The following BEND7 variants were observed in gnomAD, a reference collection of about 807,000 sequenced individuals.
BEND7 encodes the protein BEN domain-containing protein 7.
BEND7 carries 28 observed loss-of-function variants against 50.9 expected under a neutral mutation model. The observed-to-expected ratio is 0.55, with a 90% CI of 0.41 to 0.75. The LOEUF is 0.75. Among genes scored for constraint, BEND7 ranks in the 30% least tolerant of loss-of-function variants. The probability of loss-of-function intolerance (pLI) is 0.00; values close to 1 mark genes in which losing one functional copy is unlikely to be tolerated. For missense variants in BEND7, 477 were observed against 491.3 expected (o/e 0.97, Z 0.28); for synonymous variants, 170 against 183.9 (o/e 0.92, Z 0.61).
chr10:13,448,660 T>C (rs1836976303), intron 7 of BEND7, among the ~76,000 whole-genome samples: 1 of 151,954 alleles, frequency 6.6e-6, no homozygotes, highest in Admixed American at 6.6e-5. Flanking sequence ...GAGAAATCAC[T>C]GAGAAGGGAT....
intron 6 of BEND7, among the ~76,000 whole-genome samples, chr10:13,454,483 G>T (rs1469289939): frequency 6.6e-6 from 1 of 151,976 alleles, no homozygotes; most frequent in Non-Finnish European, 1.5e-5. Context: ...ATCCGGGAGT[G>T]GTGGTGCAAG....
At chr10:13,479,950 G>A (rs554263431) in intron 6 of BEND7, among the ~76,000 whole-genome samples, 2 of 152,302 alleles carry the variant, frequency 1.3e-5, no homozygotes, top group South Asian at 4.1e-4. Flanking sequence ...AGATAATGGG[G>A]AACAGAAGGG....
intron 2 of BEND7, among the ~76,000 whole-genome samples, chr10:13,505,458 T>A (rs1241822437): frequency 6.6e-6 from 1 of 152,132 alleles, no homozygotes; most frequent in Non-Finnish European, 1.5e-5. Context: ...TGGCCATGGG[T>A]TCCTTTCTCT....
At chr10:13,519,610 G>A (rs900476209) in intron 2 of BEND7, among the ~76,000 whole-genome samples, 32 of 152,208 alleles carry the variant, frequency 2.1e-4, no homozygotes, top group African/African-American at 7.2e-4. Context: ...TTTCGCATGT[G>A]CGTCAGGAGG....
intron 6 of BEND7, among the ~76,000 whole-genome samples, chr10:13,455,921 C>T (rs1049527227): frequency 9.9e-5 from 15 of 152,262 alleles, no homozygotes; most frequent in African/African-American, 3.6e-4. Flanking sequence ...ACGCCACAGA[C>T]AGGCTACGTG....
chr10:13,523,621 C>T (rs866961278), intron 2 of BEND7, among the ~76,000 whole-genome samples: 3 of 152,172 alleles, frequency 2.0e-5, no homozygotes, highest in African/African-American at 7.2e-5. Context: ...ATGTCATAAG[C>T]TTCCCATATA....
chr10:13,490,118 T>C (rs537621430), intron 5 of BEND7, among the ~76,000 whole-genome samples: 1 of 152,182 alleles, frequency 6.6e-6, no homozygotes, highest in South Asian at 2.1e-4. Context: ...CAGCCCCTTG[T>C]GGGCCCTTAT....
intron 2 of BEND7, among the ~76,000 whole-genome samples, chr10:13,524,337 G>T (rs2079284741): frequency 6.6e-6 from 1 of 152,164 alleles, no homozygotes; most frequent in Admixed American, 6.5e-5. Flanking sequence ...GTGGTACTTT[G>T]ATAATACAAA....
chr10:13,520,108 C>T (rs899123983), intron 2 of BEND7, among the ~76,000 whole-genome samples: 3 of 152,180 alleles, frequency 2.0e-5, no homozygotes, highest in African/African-American at 7.2e-5. Context: ...TGTCCAAATT[C>T]CAGATCCAGG....
At chr10:13,474,752 T>TA (rs1323708204) in intron 6 of BEND7, among the ~76,000 whole-genome samples, 8 of 152,222 alleles carry the variant, frequency 5.3e-5, no homozygotes, top group African/African-American at 1.9e-4. Flanking sequence ...TCATCGCTGT[T>TA]AGACTTGGGT....
intron 5 of BEND7, among the ~76,000 whole-genome samples, chr10:13,489,014 C>T (rs1467355951): frequency 1.3e-5 from 2 of 152,078 alleles, no homozygotes; most frequent in Non-Finnish European, 2.9e-5. Context: ...CATAAAGACA[C>T]TGAGGTAAGA....
downstream of BEND7, chr10:13,438,646 C>T (rs143138425): frequency 1.3e-5 from 2 of 154,178 alleles, no homozygotes; most frequent in African/African-American, 4.8e-5. Flanking sequence ...TGCTTTGAAT[C>T]GCTAGCGTTT....
Position 13,500,026 on chromosome 10 carries a change from T to C in BEND7, c.200A>G (p.Asn67Ser). The C allele has an allele frequency of 6.2e-7, 1 of 1,612,670 alleles. No homozygotes were observed. The highest frequency in any genetic ancestry group is 8.5e-7 in the Non-Finnish European group (1 of 1,178,774). Residue 67 changes from asparagine to serine, a missense_variant, in exon 3 of 9, where the codon AAC (asparagine) becomes AGC (serine). By Grantham distance (46) the Asn-to-Ser change is conservative. Around this residue, in one of 3 missense-constraint regions of BEND7, gnomAD observed 396 missense variants for 384.2 expected, o/e 1.03. Coordinates refer to ENST00000466271, the MANE Select transcript of BEND7 (RefSeq NM_001369863.1). Reference protein sequence around the residue: ...KQITGMRRLLNDSTGRIYQRV... With the variant: ...KQITGMRRLLSDSTGRIYQRV... ...CTGATAGATCCGCCCAGTGCTGTCG[T>C]TCAGCAATCTTCTCATCCCTGTAAT... is the stretch of plus-strand genomic sequence containing the variant.
chr10:13,455,544 G>A (rs1838760417), intron 6 of BEND7, among the ~76,000 whole-genome samples: 1 of 152,162 alleles, frequency 6.6e-6, no homozygotes, highest in Non-Finnish European at 1.5e-5. Context: ...GAGACAGGAG[G>A]GCTGAGGGAC....
At chr10:13,476,164 T>C (rs537785351) in intron 6 of BEND7, among the ~76,000 whole-genome samples, 56 of 152,206 alleles carry the variant, frequency 3.7e-4, no homozygotes, top group Middle Eastern at 3.4e-3. Context: ...ACCCTACAGG[T>C]ATCTAGAGTC....
At chr10:13,463,578 A>G (rs181292621) in intron 6 of BEND7, among the ~76,000 whole-genome samples, 72 of 152,344 alleles carry the variant, frequency 4.7e-4, no homozygotes, top group Middle Eastern at 3.4e-3. Context: ...CCTCACATTT[A>G]GGTAAAAGTA....
chr10:13,470,271 C>T (rs2074677806), intron 6 of BEND7, among the ~76,000 whole-genome samples: 1 of 152,220 alleles, frequency 6.6e-6, no homozygotes, highest in Non-Finnish European at 1.5e-5. Context: ...AGACACTGTA[C>T]TTTAGGCTGC....
At chr10:13,484,681 C>T (rs1015369294) in intron 5 of BEND7, among the ~76,000 whole-genome samples, 1 of 152,164 alleles carries the variant, frequency 6.6e-6, no homozygotes, top group African/African-American at 2.4e-5. Flanking sequence ...TGAAGTAATA[C>T]GATTTTTAAA....
intron 6 of BEND7, among the ~76,000 whole-genome samples, chr10:13,464,439 G>C (rs2074024286): frequency 6.6e-6 from 1 of 152,170 alleles, no homozygotes; most frequent in South Asian, 2.1e-4. Context: ...CCACAGATCT[G>C]TAAGCAGGAC....
Sources: allele counts gnomAD v4.1 joint callset (sites outside exome capture counted in the v4.1 genomes callset), GRCh38; gene constraint gnomAD v4.1.1; regional missense constraint gnomAD v4.1.1; transcripts MANE v1.5; gene names NCBI Gene and HGNC (gene_info 2026-07-23, HGNC 2026-07-21).